Variants in BMP2K observed in about 807,000 individuals in gnomAD.
BMP2K encodes the protein BMP2 inducible kinase.
BMP2K carries 74 observed loss-of-function variants against 116.0 expected under a neutral mutation model. The ratio of observed to expected loss-of-function variants is 0.64; its 90% CI spans 0.53 to 0.77. The LOEUF (loss-of-function observed/expected upper bound fraction) is 0.77, where lower values mean the gene tolerates loss of function less well. BMP2K is among the 30% of genes least tolerant of loss of function. BMP2K has a pLI of 0.00. For synonymous variants in BMP2K, 486 were observed against 502.5 expected (o/e 0.97, Z 0.44); for missense variants, 1,365 against 1,403.6 (o/e 0.97, Z 0.44).
At chr4:78,776,822 C>T in intron 1 of BMP2K, 101 bp downstream of exon 1, 2 of 1,064,338 alleles carry the variant, frequency 1.9e-6, no homozygotes, top group Non-Finnish European at 2.4e-6. Flanking sequence ...TCTTATACCC[C>T]ATTCTTCCTC....
intron 3 of BMP2K, among the ~76,000 whole-genome samples, chr4:78,837,912 C>CA (rs1301840381): frequency 6.6e-6 from 1 of 152,098 alleles, no homozygotes; most frequent in Non-Finnish European, 1.5e-5. Context: ...CAAAGTGTTG[C>CA]GATTAAGGGC....
Position 78,791,028 on chromosome 4 carries a change from C to T in BMP2K, c.178+14307C>T, listed in dbSNP as rs551658345. Among the ~76,000 whole-genome samples the T allele has an allele frequency of 2.0e-5, 3 of 152,076 alleles. No individual in the cohort carries two copies. The East Asian group carries it at 5.8e-4, about 29-fold the overall frequency. On this transcript the variant is annotated intron_variant, in intron 1 of 15. Coordinates refer to ENST00000502613, the MANE Select transcript of BMP2K (RefSeq NM_198892.2). ...TTTCCATCAGTTATTTGATTTTTCTCTTATTTTTACTTGTTCCTTAATATT... is the reference window on the plus strand; with the variant it reads ...TTTCCATCAGTTATTTGATTTTTCTTTTATTTTTACTTGTTCCTTAATATT...
In BMP2K at chr4:78,912,319, A is replaced by G; in HGVS notation, c.*286A>G. On this transcript the variant is annotated 3_prime_UTR_variant, in exon 16 of 16. Transcript: ENST00000502613. ...AGTGTGGTACTTCCAGTGAAAGCACATGGCACCTTTCTAGGTGTGTAGCCA... is the reference window on the plus strand; with the variant it reads ...AGTGTGGTACTTCCAGTGAAAGCACGTGGCACCTTTCTAGGTGTGTAGCCA... 1 of 328,296 alleles carries G rather than the reference A, an allele frequency of 3.0e-6. No homozygotes were observed. Among genetic ancestry groups the G allele is most frequent in the Non-Finnish European group, 5.6e-6 (1 of 179,734 alleles). The allele number at this position is 328,296 out of a possible 1,614,324, so 20.3% of individuals were successfully genotyped here. A position where few individuals can be genotyped will look rare whatever the true frequency, so the allele number is the denominator to read the frequency against.
chr4:78,863,417 C>T (rs1381511082), intron 9 of BMP2K, among the ~76,000 whole-genome samples: 1 of 152,058 alleles, frequency 6.6e-6, no homozygotes, highest in Non-Finnish European at 1.5e-5. Context: ...TATTCTTTGC[C>T]TTCTTAAAAG....
At chr4:78,804,567 T>C (rs1728730202) in intron 1 of BMP2K, among the ~76,000 whole-genome samples, 1 of 152,168 alleles carries the variant, frequency 6.6e-6, no homozygotes, top group Non-Finnish European at 1.5e-5. Context: ...TATGAGGTTT[T>C]CCAATTTCTT....
At chr4:78,796,656 A>G (rs1728300183) in intron 1 of BMP2K, among the ~76,000 whole-genome samples, 2 of 152,180 alleles carry the variant, frequency 1.3e-5, no homozygotes, top group South Asian at 4.1e-4. Context: ...ATAATGCTGA[A>G]TTTGAACAGC....
At chr4:78,840,897 TATG>T (rs1201678829) in intron 3 of BMP2K, among the ~76,000 whole-genome samples, 3 of 152,202 alleles carry the variant, frequency 2.0e-5, no homozygotes, top group African/African-American at 7.2e-5. Context: ...TTAGCTATGA[TATG>T]ATATTTCAAG....
Position 78,827,499 on chromosome 4 carries a change from C to T in BMP2K, c.297+1344C>T, listed in dbSNP as rs1391767177. ...CGTGCCTGTGAGGGTGCAAAAGGAA[C>T]ATGTCTTTATTCATCCTATGTCTGC... On this transcript the variant is annotated intron_variant, in intron 2 of 15. Transcript: ENST00000502613. 3.3e-5 allele frequency among the ~76,000 whole-genome samples: 5 copies of T among 152,120 alleles called. No individual in the cohort carries two copies. The East Asian group carries it at 5.8e-4, about 18-fold the overall frequency.
At chr4:78,833,488 G>A in intron 2 of BMP2K, 94 bp from the exon 3 acceptor site, 1 of 830,802 alleles carries the variant, frequency 1.2e-6, no homozygotes, top group Non-Finnish European at 1.9e-6. Context: ...CTTACCTTTT[G>A]AAATTCTTTA....
At chr4:78,887,659 G>C (rs564490676) in intron 15 of BMP2K, among the ~76,000 whole-genome samples, 1 of 152,118 alleles carries the variant, frequency 6.6e-6, no homozygotes, top group Admixed American at 6.5e-5. Context: ...TAATAATTTT[G>C]TATTTGTCAC....
At chr4:78,893,803 A>G (rs996394459) in intron 15 of BMP2K, among the ~76,000 whole-genome samples, 4 of 152,220 alleles carry the variant, frequency 2.6e-5, no homozygotes, top group African/African-American at 9.6e-5. Flanking sequence ...GGCCTCAAGC[A>G]GCCCTCTCAC....
rs114117942 is a variant in BMP2K at position 78,798,953 on chromosome 4, C to G, written c.178+22232C>G. Among the ~76,000 whole-genome samples the G allele has an allele frequency of 6.2e-3, 942 of 152,324 alleles. 13 individuals carry two copies. The highest frequency in any genetic ancestry group is 0.022 in the African/African-American group (896 of 41,566). On this transcript the variant is annotated intron_variant, in intron 1 of 15. Coordinates refer to ENST00000502613, the MANE Select transcript of BMP2K (RefSeq NM_198892.2). ...AATGTCTTTCTAGACCGTGCTGACA[C>G]ACATGGAAATATCCATAATAACATT...
intron 14 of BMP2K, among the ~76,000 whole-genome samples, chr4:78,886,896 G>C (rs1733122559): frequency 3.3e-5 from 5 of 152,156 alleles, no homozygotes; most frequent in Non-Finnish European, 7.4e-5. Context: ...TTGAGGACAA[G>C]TAGTATTTAA....
In BMP2K at chr4:78,815,705, A is replaced by C. The variant is rs76918956; in HGVS notation, c.179-10332A>C. Among the ~76,000 whole-genome samples, 11 of 152,270 alleles carry C rather than the reference A, an allele frequency of 7.2e-5. No individual in the cohort carries two copies. In the East Asian group the frequency reaches 1.9e-3, roughly 27 times the overall value. On this transcript the variant is annotated intron_variant, in intron 1 of 15. Coordinates refer to ENST00000502613, the MANE Select transcript of BMP2K (RefSeq NM_198892.2). ...AATAACATTTTACCACATTTCCTTT[A>C]TACATTTTTACAACATGTGGGTAAT...
intron 7 of BMP2K, among the ~76,000 whole-genome samples, chr4:78,853,190 A>G (rs1731340585): frequency 6.6e-6 from 1 of 152,182 alleles, no homozygotes; most frequent in Non-Finnish European, 1.5e-5. Flanking sequence ...CCATTTTATA[A>G]CACACAGAAA....
At position 78,800,971 on chromosome 4, in the gene BMP2K, C is replaced by A. The variant is rs115276864; in HGVS notation, c.178+24250C>A. Among the ~76,000 whole-genome samples the A allele has an allele frequency of 8.0e-3, 1,220 of 152,228 alleles. 5 individuals are homozygous for A. Among genetic ancestry groups the A allele is most frequent in the Non-Finnish European group, 0.012 (832 of 68,004 alleles). On this transcript the variant is annotated intron_variant, in intron 1 of 15. Coordinates refer to ENST00000502613, the MANE Select transcript of BMP2K (RefSeq NM_198892.2). Reference sequence around the variant, plus strand: ...AGTTTTAACAAAGATTTTCTGTTCACCCTAATAGCAGTTGTCTAAAATATT... The same window carrying A: ...AGTTTTAACAAAGATTTTCTGTTCAACCTAATAGCAGTTGTCTAAAATATT...
chr4:78,884,585 T>C (rs985902037), intron 14 of BMP2K, among the ~76,000 whole-genome samples: 1 of 152,194 alleles, frequency 6.6e-6, no homozygotes, highest in Non-Finnish European at 1.5e-5. Context: ...GCTGTAGTTA[T>C]CATTCTGAGT....
Position 78,915,867 on chromosome 4 carries a change from C to G in BMP2K, c.*3834C>G, listed in dbSNP as rs1735010904. ...AAAGAATTGTTTTTATGACTATGCT[C>G]TTTTTGTGATTGAAAAGTCATCTAA... On this transcript the variant is annotated 3_prime_UTR_variant, in exon 16 of 16. Transcript: ENST00000502613. The G allele has an allele frequency of 6.6e-6, 1 of 151,816 alleles. No homozygotes were observed. Among genetic ancestry groups the G allele is most frequent in the Admixed American group, 6.6e-5 (1 of 15,220 alleles). The allele number at this position is 151,816 out of a possible 1,614,324, so 9.4% of individuals were successfully genotyped here. A position where few individuals can be genotyped will look rare whatever the true frequency, so the allele number is the denominator to read the frequency against.
At chr4:78,839,884 A>T (rs991654987) in intron 3 of BMP2K, among the ~76,000 whole-genome samples, 1 of 152,196 alleles carries the variant, frequency 6.6e-6, no homozygotes, top group African/African-American at 2.4e-5. Context: ...GCCCACCCAG[A>T]TTAAGGGTGG....
Sources: gnomAD v4.1 joint callset for allele counts (sites outside exome capture counted in the v4.1 genomes callset) on GRCh38, gnomAD v4.1.1 for gene constraint, MANE v1.5 for transcripts, NCBI Gene and HGNC (gene_info 2026-07-23, HGNC 2026-07-21) for gene names.